The following AK5 variants were observed in gnomAD, a reference collection of about 807,000 sequenced individuals.
AK5 encodes adenylate kinase isoenzyme 5.
In AK5, 27 loss-of-function variants were observed where a neutral mutation model predicts 69.5. The ratio of observed to expected loss-of-function variants is 0.39; its 90% CI spans 0.29 to 0.54. The LOEUF (loss-of-function observed/expected upper bound fraction) is 0.54, where lower values mean the gene tolerates loss of function less well. Ranked by LOEUF, AK5 falls within the 20% of genes least tolerant of loss-of-function variation. The probability of loss-of-function intolerance (pLI) is 0.71; values close to 1 mark genes in which losing one functional copy is unlikely to be tolerated. For missense variants in AK5, 531 were observed against 700.4 expected (o/e 0.76, Z 2.73); for synonymous variants, 260 against 244.4 (o/e 1.06, Z -0.60).
At chr1:77,527,874 A>C (rs915735451) in intron 12 of AK5, among the ~76,000 whole-genome samples, 2 of 152,230 alleles carry the variant, frequency 1.3e-5, no homozygotes, top group Non-Finnish European at 2.9e-5. Context: ...AGCCAGACTA[A>C]CATGGCGAAA....
chr1:77,459,711 C>T (rs1468090575), intron 8 of AK5, among the ~76,000 whole-genome samples: 1 of 152,158 alleles, frequency 6.6e-6, no homozygotes, highest in Non-Finnish European at 1.5e-5. Context: ...CTCTATACCC[C>T]AGCAGCTATC....
At position 77,368,234 on chromosome 1, in the gene AK5, T is replaced by TG. The variant is rs1557535210; in HGVS notation, c.891+27666_891+27667insG. Among the ~76,000 whole-genome samples, 9 of 3,736 alleles carry TG rather than the reference T, an allele frequency of 2.4e-3. 1 individual carries two copies. The highest frequency in any genetic ancestry group is 0.038 in the South Asian group (1 of 26). 2.5% of individuals were successfully genotyped at this position (3,736 alleles called of 152,430 possible). ...GAGATACTATATATATATATATATATATATATATATATATATATAATATAT... is the reference window on the plus strand; with the variant it reads ...GAGATACTATATATATATATATATATGATATATATATATATATATAATATAT... On this transcript the variant is annotated intron_variant, in intron 6 of 13. Transcript: ENST00000354567.
At chr1:77,379,725 G>A (rs1330529123) in intron 6 of AK5, among the ~76,000 whole-genome samples, 2 of 152,274 alleles carry the variant, frequency 1.3e-5, no homozygotes, top group East Asian at 1.9e-4. Context: ...ATAAATGTAA[G>A]GAACAGAAAC....
At chr1:77,453,499 C>G (rs1653284814) in intron 8 of AK5, among the ~76,000 whole-genome samples, 1 of 152,156 alleles carries the variant, frequency 6.6e-6, no homozygotes. Context: ...GATTAGAAGA[C>G]TATTTATTTA....
intron 5 of AK5, among the ~76,000 whole-genome samples, chr1:77,299,178 G>A (rs971822204): frequency 6.6e-6 from 1 of 151,962 alleles, no homozygotes; most frequent in Admixed American, 6.5e-5. Flanking sequence ...AACCTGATGA[G>A]TAAATGGCAT....
chr1:77,316,055 G>A (rs906840932), intron 5 of AK5, among the ~76,000 whole-genome samples: 1 of 152,116 alleles, frequency 6.6e-6, no homozygotes, highest in African/African-American at 2.4e-5. Context: ...ACTGATGCTT[G>A]GTGCTAGCAG....
chr1:77,370,445 A>G (rs369944760), intron 6 of AK5, among the ~76,000 whole-genome samples: 1 of 152,072 alleles, frequency 6.6e-6, no homozygotes, highest in South Asian at 2.1e-4. Flanking sequence ...CTACAAACAG[A>G]CTTGGGGGGA....
intron 8 of AK5, among the ~76,000 whole-genome samples, chr1:77,480,230 C>T (rs1655178178): frequency 1.3e-5 from 2 of 152,136 alleles, no homozygotes; most frequent in African/African-American, 4.8e-5. Flanking sequence ...TCCCTGGTTA[C>T]ACCCTCCAAT....
At chr1:77,546,536 TC>T (rs1367081013) in intron 13 of AK5, among the ~76,000 whole-genome samples, 4 of 152,066 alleles carry the variant, frequency 2.6e-5, no homozygotes, top group African/African-American at 9.7e-5. Context: ...ATGGTGAAAC[TC>T]CATCTCTACT....
intron 5 of AK5, among the ~76,000 whole-genome samples, chr1:77,302,761 G>C (rs531309071): frequency 6.6e-6 from 1 of 152,262 alleles, no homozygotes; most frequent in African/African-American, 2.4e-5. Context: ...TCTTTCTTGA[G>C]TTAATCTATT....
intron 10 of AK5, among the ~76,000 whole-genome samples, chr1:77,518,301 G>T (rs983818793): frequency 2.6e-5 from 4 of 152,140 alleles, no homozygotes; most frequent in African/African-American, 7.2e-5. Context: ...GTTACAAGTG[G>T]TCTATGAAAA....
chr1:77,326,071 C>G, intron 5 of AK5, among the ~76,000 whole-genome samples: 1 of 152,224 alleles, frequency 6.6e-6, no homozygotes, highest in African/African-American at 2.4e-5. Context: ...CAAATTATGG[C>G]TGGACTTTAG....
intron 8 of AK5, among the ~76,000 whole-genome samples, chr1:77,428,955 G>A (rs1209837721): frequency 1.3e-5 from 2 of 152,170 alleles, no homozygotes; most frequent in African/African-American, 4.8e-5. Context: ...TGGCTGCATA[G>A]TATTCCACGG....
In AK5 at chr1:77,529,334, G is replaced by GTTTTTTTTTTTTT. The variant is rs935476152; in HGVS notation, c.1429-6508_1429-6496dup. ...AGGTGTTAGGACCCCCGTTTTATAG[G>GTTTTTTTTTTTTT]TTTTTTTTTTTTTTTTTGAGACGGA... On this transcript the variant is annotated intron_variant, in intron 12 of 13. Transcript: ENST00000354567. 1.6e-3 allele frequency among the ~76,000 whole-genome samples: 222 copies of GTTTTTTTTTTTTT among 137,984 alleles called. 2 individuals carry two copies. The highest frequency in any genetic ancestry group is 5.6e-3 in the African/African-American group (206 of 36,844). The allele number at this position is 137,984 out of a possible 152,430, so 90.5% of individuals were successfully genotyped here.
At chr1:77,427,312 G>T (rs529455555) in intron 8 of AK5, among the ~76,000 whole-genome samples, 1 of 151,892 alleles carries the variant, frequency 6.6e-6, no homozygotes, top group Non-Finnish European at 1.5e-5. Flanking sequence ...AATAGAAGAT[G>T]GGAAATCACT....
At chr1:77,391,380 C>CAAAA (rs201607684) in intron 6 of AK5, among the ~76,000 whole-genome samples, 2 of 116,416 alleles carry the variant, frequency 1.7e-5, no homozygotes, top group Admixed American at 8.8e-5. Flanking sequence ...GTACTTTATG[C>CAAAA]AAAAAAAAAA....
At chr1:77,385,455 G>A (rs990883033) in intron 6 of AK5, among the ~76,000 whole-genome samples, 77 of 152,240 alleles carry the variant, frequency 5.1e-4, no homozygotes, top group African/African-American at 1.8e-3. Flanking sequence ...CACTGCGCCC[G>A]GCCAGACTTT....
chr1:77,469,620 A>G (rs1654341300), intron 8 of AK5, among the ~76,000 whole-genome samples: 1 of 151,878 alleles, frequency 6.6e-6, no homozygotes, highest in African/African-American at 2.4e-5. Flanking sequence ...AACCCTAACT[A>G]ATCCATGTGG....
chr1:77,493,335 C>A (rs998778357), intron 10 of AK5, among the ~76,000 whole-genome samples: 1 of 151,782 alleles, frequency 6.6e-6, no homozygotes, highest in African/African-American at 2.4e-5. Context: ...GCAGCCCCCC[C>A]CAGGTTCTCA....
Sources: gnomAD v4.1 joint callset for allele counts (sites outside exome capture counted in the v4.1 genomes callset) on GRCh38, gnomAD v4.1.1 for gene constraint, MANE v1.5 for transcripts, NCBI Gene and HGNC (gene_info 2026-07-23, HGNC 2026-07-21) for gene names.